Variants in PDCD4 observed in about 807,000 individuals in gnomAD.
The protein encoded by PDCD4 is programmed cell death protein 4.
A neutral mutation model predicts 54.0 loss-of-function variants in PDCD4; 56 were observed. The ratio of observed to expected loss-of-function variants is 1.04; its 90% confidence interval spans 0.84 to 1.30. PDCD4 has a LOEUF of 1.30. PDCD4 is among the 50% of genes most tolerant of loss of function. The pLI, the probability that PDCD4 is intolerant of heterozygous loss-of-function variation, is 0.00. For synonymous variants in PDCD4, 186 were observed against 194.8 expected (o/e 0.95, Z 0.37); for missense variants, 584 against 559.8 (o/e 1.04, Z -0.44).
chr10:110,886,507 G>A (rs906705970), intron 5 of PDCD4, among the ~76,000 whole-genome samples: 6 of 152,108 alleles, frequency 3.9e-5, no homozygotes, highest in Non-Finnish European at 7.4e-5. Flanking sequence ...CACCAGTTAC[G>A]TGGCTGTGAA....
At chr10:110,872,876 T>A (rs921668767) in intron 1 of PDCD4, among the ~76,000 whole-genome samples, 1 of 152,130 alleles carries the variant, frequency 6.6e-6, no homozygotes, top group Non-Finnish European at 1.5e-5. Flanking sequence ...TTCAAAACTG[T>A]CTGCAGACGT....
At chr10:110,889,166 G>C (rs533443757) in intron 6 of PDCD4, among the ~76,000 whole-genome samples, 1 of 141,396 alleles carries the variant, frequency 7.1e-6, no homozygotes, top group African/African-American at 2.6e-5. Flanking sequence ...AGGTTGCAGT[G>C]AACTGAGATC....
intron 6 of PDCD4, among the ~76,000 whole-genome samples, chr10:110,888,949 C>T (rs1052684903): frequency 1.3e-5 from 2 of 151,732 alleles, no homozygotes; most frequent in East Asian, 1.9e-4. Context: ...GAAGAGAGGA[C>T]GTCACTTGAC....
chr10:110,872,429 C>T (rs974479319), intron 1 of PDCD4, among the ~76,000 whole-genome samples: 1 of 152,200 alleles, frequency 6.6e-6, no homozygotes, highest in Non-Finnish European at 1.5e-5. Flanking sequence ...GGACTGAAAT[C>T]CTGTGAGGAA....
At chr10:110,895,852 G>T in intron 10 of PDCD4, 96 bp from the exon 11 acceptor site, 1 of 831,562 alleles carries the variant, frequency 1.2e-6, no homozygotes, top group Admixed American at 2.8e-5. Context: ...TGAATATTTG[G>T]CCTTAAATAC....
chr10:110,894,388 T>A (rs1238772798), intron 9 of PDCD4, 24 bp from the exon 10 acceptor site: 1 of 1,255,636 alleles, frequency 8.0e-7, no homozygotes, highest in South Asian at 1.2e-5. Flanking sequence ...TAACCAAAAA[T>A]TCACTCATTG....
rs769420708 is a variant in PDCD4, at chr10:110,887,887, G to A, written c.777+1G>A. On this transcript the variant is annotated splice_donor_variant, in intron 6 of 11. Coordinates refer to ENST00000280154, the MANE Select transcript of PDCD4 (RefSeq NM_014456.5). LOFTEE classifies it high-confidence loss of function. ...ACTGGATACTCCTAGAGCACCACAG[G>A]TTTGTATGATTCTTCTTTTTGTTCA... The A allele has an allele frequency of 6.3e-7, 1 of 1,575,434 alleles. No homozygotes were observed. Among genetic ancestry groups the A allele is most frequent in the Non-Finnish European group, 8.7e-7 (1 of 1,145,336 alleles).
At chr10:110,877,780 T>A (rs905449275) in intron 2 of PDCD4, among the ~76,000 whole-genome samples, 3 of 152,236 alleles carry the variant, frequency 2.0e-5, no homozygotes, top group African/African-American at 7.2e-5. Flanking sequence ...CAAGTCACAC[T>A]CTTACTCTTT....
chr10:110,889,845 A>AT (rs1845729429), intron 7 of PDCD4, among the ~76,000 whole-genome samples: 3 of 152,192 alleles, frequency 2.0e-5, no homozygotes, highest in African/African-American at 7.2e-5. Flanking sequence ...TAAATCATTA[A>AT]TTACCTTCAT....
At chr10:110,884,730 A>G (rs2135203584) in intron 4 of PDCD4, 1 of 152,250 alleles carries the variant, frequency 6.6e-6, no homozygotes, top group Admixed American at 6.5e-5. Flanking sequence ...TAATGATTCT[A>G]ATCTATATAT....
chr10:110,878,046 T>C (rs113757249), intron 2 of PDCD4, among the ~76,000 whole-genome samples: 12 of 152,314 alleles, frequency 7.9e-5, no homozygotes, highest in Non-Finnish European at 1.5e-4. Context: ...GTGGTTACTA[T>C]TGAGATATCA....
At chr10:110,872,494 C>T (rs2135181192) in intron 1 of PDCD4, among the ~76,000 whole-genome samples, 1 of 152,288 alleles carries the variant, frequency 6.6e-6, no homozygotes, top group South Asian at 2.1e-4. Context: ...AAGATGCGGC[C>T]CCCTGTCCTT....
At chr10:110,875,770 T>G (rs1845494068) in intron 1 of PDCD4, among the ~76,000 whole-genome samples, 196 bp from the exon 2 acceptor site, 1 of 152,210 alleles carries the variant, frequency 6.6e-6, no homozygotes, top group South Asian at 2.1e-4. Context: ...TTGATAAATT[T>G]ATCAAAAAGA....
intron 2 of PDCD4, chr10:110,876,681 TA>T: frequency 8.3e-7 from 1 of 1,197,924 alleles, no homozygotes; most frequent in South Asian, 2.7e-5. Flanking sequence ...GTATTTTCCC[TA>T]ATTCTCCATG....
rs919788416 is a variant in PDCD4 at position 110,899,590 on chromosome 10, G to T, written c.*1502G>T. 5 of 152,270 alleles carry T rather than the reference G, an allele frequency of 3.3e-5. No individual in the cohort carries two copies. The highest frequency in any genetic ancestry group is 1.2e-4 in the African/African-American group (5 of 41,448). The allele number at this position is 152,270 out of a possible 1,614,324, so 9.4% of individuals were successfully genotyped here. A position where few individuals can be genotyped will look rare whatever the true frequency, so the allele number is the denominator to read the frequency against. On this transcript the variant is annotated 3_prime_UTR_variant, in exon 12 of 12. Coordinates refer to ENST00000280154, the MANE Select transcript of PDCD4 (RefSeq NM_014456.5). ...AGGTGGGCGGATCACTTGAGGTTGG[G>T]AGTTCATGACCAGCTTGACCAACAT...
intron 3 of PDCD4, among the ~76,000 whole-genome samples, chr10:110,881,840 T>A (rs539990017): frequency 2.8e-4 from 43 of 152,308 alleles, no homozygotes; most frequent in African/African-American, 1.0e-3. Context: ...ATTCTCTAAG[T>A]TTGAAAGGAG....
At chr10:110,887,135 A>G (rs1339865702) in intron 5 of PDCD4, among the ~76,000 whole-genome samples, 4 of 152,182 alleles carry the variant, frequency 2.6e-5, no homozygotes, top group Non-Finnish European at 4.4e-5. Context: ...CAGACTGCAT[A>G]TATACCTTTG....
At chr10:110,894,920 C>T (rs1250399773) in intron 10 of PDCD4, among the ~76,000 whole-genome samples, 2 of 151,010 alleles carry the variant, frequency 1.3e-5, no homozygotes, top group Non-Finnish European at 3.0e-5. Flanking sequence ...TTTTGTTTGC[C>T]TTGTATTTTT....
intron 8 of PDCD4, among the ~76,000 whole-genome samples, chr10:110,892,483 C>T (rs1845770964): frequency 6.6e-6 from 1 of 152,172 alleles, no homozygotes; most frequent in Non-Finnish European, 1.5e-5. Context: ...TGTAATTTAT[C>T]ATTCTCAGAA....
Sources: gnomAD v4.1 joint callset for allele counts (sites outside exome capture counted in the v4.1 genomes callset) on GRCh38, gnomAD v4.1.1 for gene constraint, MANE v1.5 for transcripts, NCBI Gene and HGNC (gene_info 2026-07-23, HGNC 2026-07-21) for gene names.